CACNB4: variants seen among roughly 807,000 people sequenced by gnomAD.
CACNB4 encodes the protein calcium voltage-gated channel auxiliary subunit beta 4.
In CACNB4, 32 loss-of-function variants were observed where a neutral mutation model predicts 71.2. That is an observed-to-expected ratio of 0.45 (90% CI 0.34 to 0.60). CACNB4 has a LOEUF of 0.60. CACNB4 is among the 20% of genes least tolerant of loss of function. The probability of loss-of-function intolerance (pLI) is 0.01; values close to 1 mark genes in which losing one functional copy is unlikely to be tolerated. For synonymous variants in CACNB4, 231 were observed against 236.9 expected, an observed-to-expected ratio of 0.97 and a Z score of 0.23; for missense variants, 464 against 647.9, an observed-to-expected ratio of 0.72 and a Z score of 3.08.
At chr2:151,849,264 ATT>A (rs201791785) in intron 12 of CACNB4, among the ~76,000 whole-genome samples, 1 of 151,424 alleles carries the variant, frequency 6.6e-6, no homozygotes, top group Non-Finnish European at 1.5e-5. Context: ...AGCCTCTGTG[ATT>A]TTTTTTTCTT....
intron 2 of CACNB4, among the ~76,000 whole-genome samples, chr2:151,931,136 A>G (rs1199204428): frequency 6.6e-6 from 1 of 152,110 alleles, no homozygotes; most frequent in Non-Finnish European, 1.5e-5. Flanking sequence ...CTATAAACCC[A>G]TTTCCTCTGG....
At chr2:151,948,961 A>G (rs1311838563) in intron 2 of CACNB4, among the ~76,000 whole-genome samples, 1 of 151,972 alleles carries the variant, frequency 6.6e-6, no homozygotes, top group African/African-American at 2.4e-5. Flanking sequence ...TGTCATTGGT[A>G]TCTACTTCCT....
At position 152,065,019 on chromosome 2, in the gene CACNB4, G is replaced by A. The variant is rs569815343; in HGVS notation, c.147+33311C>T. On this transcript the variant is annotated intron_variant, in intron 2 of 13. Transcript: ENST00000539935. ...AGAAGGAATGGCTCTTTAGGGCAAG[G>A]ACTGATTCTTATTCACCTTTCCATG... 1.8e-4 allele frequency among the ~76,000 whole-genome samples: 27 copies of A among 152,266 alleles called. 1 individual carries two copies. In the South Asian group the frequency reaches 5.0e-3, roughly 28 times the overall value.
At chr2:151,846,705 A>G (rs1179670807) in intron 12 of CACNB4, among the ~76,000 whole-genome samples, 2 of 152,096 alleles carry the variant, frequency 1.3e-5, no homozygotes, top group Non-Finnish European at 2.9e-5. Flanking sequence ...GATATGCACC[A>G]CCACATCCAG....
intron 12 of CACNB4, among the ~76,000 whole-genome samples, chr2:151,848,638 G>A (rs1172786441): frequency 6.6e-6 from 1 of 152,148 alleles, no homozygotes; most frequent in Non-Finnish European, 1.5e-5. Flanking sequence ...AACATTAGAG[G>A]TTTGCAAGAC....
chr2:151,923,577 C>T (rs577409654), intron 2 of CACNB4, among the ~76,000 whole-genome samples: 1 of 152,342 alleles, frequency 6.6e-6, no homozygotes, highest in Non-Finnish European at 1.5e-5. Flanking sequence ...ATCTAGCTGA[C>T]ATTCCATTCT....
intron 2 of CACNB4, among the ~76,000 whole-genome samples, chr2:151,897,642 G>A (rs1189926193): frequency 6.6e-6 from 1 of 152,208 alleles, no homozygotes; most frequent in East Asian, 1.9e-4. Context: ...AGAGGAGGTG[G>A]TTACTCATAC....
chr2:151,991,231 G>A (rs868797000), intron 2 of CACNB4, among the ~76,000 whole-genome samples: 32 of 152,230 alleles, frequency 2.1e-4, no homozygotes, highest in Admixed American at 2.0e-4. Context: ...CTCAGAGTTC[G>A]GCTCCAGACT....
At chr2:151,896,525 T>C (rs113480403) in intron 2 of CACNB4, among the ~76,000 whole-genome samples, 135 of 152,308 alleles carry the variant, frequency 8.9e-4, no homozygotes, top group African/African-American at 3.1e-3. Flanking sequence ...CGTTTGACTT[T>C]TGTGGCCTTG....
At chr2:151,887,603 A>C (rs2099849683) in intron 2 of CACNB4, among the ~76,000 whole-genome samples, 1 of 152,198 alleles carries the variant, frequency 6.6e-6, no homozygotes, top group Non-Finnish European at 1.5e-5. Flanking sequence ...CTTCTCATTC[A>C]CACAGAGAGG....
At chr2:151,994,898 T>C (rs1681953436) in intron 2 of CACNB4, among the ~76,000 whole-genome samples, 1 of 152,164 alleles carries the variant, frequency 6.6e-6, no homozygotes, top group Non-Finnish European at 1.5e-5. Flanking sequence ...CCTCCCAAAG[T>C]ACTGAGATCA....
intron 4 of CACNB4, 117 bp downstream of exon 4, chr2:151,880,683 A>C (rs906218542): frequency 1.9e-6 from 2 of 1,055,068 alleles, no homozygotes; most frequent in Non-Finnish European, 2.8e-6. Context: ...TCAGCAAATT[A>C]AATCATGTAC....
At chr2:152,015,773 A>G (rs1306111295) in intron 2 of CACNB4, among the ~76,000 whole-genome samples, 1 of 152,230 alleles carries the variant, frequency 6.6e-6, no homozygotes, top group Non-Finnish European at 1.5e-5. Flanking sequence ...GAAGCAACAA[A>G]TGAGAAATAA....
chr2:151,954,850 CT>C (rs34054917), intron 2 of CACNB4, among the ~76,000 whole-genome samples: 215 of 94,914 alleles, frequency 2.3e-3, no homozygotes, highest in Admixed American at 3.3e-3. Flanking sequence ...CAAGTCAGCA[CT>C]TTTTTTTTTT....
intron 2 of CACNB4, among the ~76,000 whole-genome samples, chr2:152,070,647 AT>A (rs1168149091): frequency 1.3e-5 from 2 of 152,230 alleles, no homozygotes; most frequent in Admixed American, 1.3e-4. Context: ...ACATAATCTG[AT>A]TTGGCTAGCA....
chr2:152,064,154 C>A (rs924782279), intron 2 of CACNB4, among the ~76,000 whole-genome samples: 10 of 152,302 alleles, frequency 6.6e-5, no homozygotes, highest in Admixed American at 5.9e-4. Context: ...ACGGTGAGTA[C>A]ATGGGTCCAA....
At chr2:151,944,045 T>C (rs1026632377) in intron 2 of CACNB4, among the ~76,000 whole-genome samples, 2 of 142,162 alleles carry the variant, frequency 1.4e-5, no homozygotes, top group African/African-American at 5.3e-5. Flanking sequence ...TTTTTTTTTT[T>C]AGAGAAAGGG....
At chr2:151,973,625 G>A (rs764402337) in intron 2 of CACNB4, 2 of 1,566,182 alleles carry the variant, frequency 1.3e-6, no homozygotes, top group East Asian at 2.2e-5. Flanking sequence ...GTGGGAGGAG[G>A]AAGAGGAGGG....
At chr2:152,011,665 A>C (rs1683064191) in intron 2 of CACNB4, among the ~76,000 whole-genome samples, 1 of 152,182 alleles carries the variant, frequency 6.6e-6, no homozygotes, top group South Asian at 2.1e-4. Context: ...TTGGAATCCC[A>C]AACGGTCCCA....
Sources: gnomAD v4.1 joint callset for allele counts (sites outside exome capture counted in the v4.1 genomes callset) on GRCh38, gnomAD v4.1.1 for gene constraint, MANE v1.5 for transcripts, NCBI Gene and HGNC (gene_info 2026-07-23, HGNC 2026-07-21) for gene names.